The following CDON variants were observed in gnomAD, a reference collection of about 807,000 sequenced individuals.
CDON encodes the protein cell adhesion associated, oncogene regulated.
Under a neutral mutation model 120.9 loss-of-function variants are expected in CDON, and 73 were observed. The ratio of observed to expected loss-of-function variants is 0.60; its 90% CI spans 0.50 to 0.73. CDON has a LOEUF of 0.73. Among genes scored for constraint, CDON ranks in the 30% least tolerant of loss-of-function variants. CDON has a pLI of 0.00. For synonymous variants in CDON, 566 were observed against 573.5 expected (o/e 0.99, Z 0.19); for missense variants, 1,470 against 1,587.3 (o/e 0.93, Z 1.26).
intron 16 of CDON, 46 bp from the exon 17 acceptor site, chr11:125,981,375 CACGCACACATGCACAT>C: frequency 6.4e-7 from 1 of 1,573,192 alleles, no homozygotes; most frequent in East Asian, 2.2e-5. Context: ...CACACACACG[CACGCACACATGCACAT>C]ACGCACACAC....
chr11:125,961,971 G>C lies in CDON; in HGVS notation c.3384C>G (p.Phe1128Leu), dbSNP rs1451344571. The change falls in exon 19 of 20, where the codon TTC becomes TTG. Residue 1128 changes from phenylalanine to leucine, a missense_variant. Coordinates refer to ENST00000531738, the MANE Select transcript of CDON (RefSeq NM_001378964.1). ...NRCFTKTNST[F>L]SSSPPPVVPV... The stretch of plus-strand genomic sequence containing the variant: ...GGACCACAGGAGGAGGGCTGCTGCT[G>C]AAAGTGCTGTTGGTTTTGGTGAAAC... 2 of 1,614,230 alleles carry C rather than the reference G, an allele frequency of 1.2e-6. No individual in the cohort carries two copies. The highest frequency in any genetic ancestry group is 1.7e-6 in the Non-Finnish European group (2 of 1,180,042).
At chr11:126,030,245 G>A (rs1468030212) in intron 1 of CDON, among the ~76,000 whole-genome samples, 1 of 152,192 alleles carries the variant, frequency 6.6e-6, no homozygotes, top group Admixed American at 6.5e-5. Context: ...TTATTGTTCA[G>A]GTTGTGAACT....
chr11:125,966,997 T>A (rs926082689), intron 18 of CDON, among the ~76,000 whole-genome samples: 15 of 151,288 alleles, frequency 9.9e-5, no homozygotes, highest in African/African-American at 3.6e-4. Context: ...GTTCTTCAAG[T>A]TGAAGGAAAA....
rs761571073 is a variant in CDON, at chr11:126,021,416, A to G, written c.181T>C (p.Trp61Arg). 6.2e-7 allele frequency: 1 copy of G among 1,614,150 alleles called. No homozygotes were observed. Among genetic ancestry groups the G allele is most frequent in the Admixed American group, 1.7e-5 (1 of 60,024 alleles). ...TCCAATGTTTTTCCGTTATGCAGCC[A>G]TGAGATACGAGTGGTCACAGGTTGA... ...SAQPVTTRIS[W>R]LHNGKTLDGN... The change falls in exon 3 of 20, where the codon TGG (tryptophan) becomes CGG (arginine). Residue 61 changes from tryptophan to arginine, a missense_variant. Trp to Arg is a moderately radical substitution (Grantham distance 101, BLOSUM62 -3). Transcript: ENST00000531738.
chr11:126,049,526 T>C (rs567648690), intron 1 of CDON, among the ~76,000 whole-genome samples: 3 of 152,340 alleles, frequency 2.0e-5, no homozygotes, highest in South Asian at 4.1e-4. Context: ...CTCAATATGG[T>C]CATCAGAAGT....
chr11:126,029,873 T>C (rs774621061), intron 1 of CDON, among the ~76,000 whole-genome samples: 6 of 152,150 alleles, frequency 3.9e-5, no homozygotes, highest in Non-Finnish European at 7.4e-5. Flanking sequence ...CGGAAAAAGA[T>C]TGTAGAACAT....
chr11:125,967,352 A>G (rs1261407763), intron 18 of CDON, among the ~76,000 whole-genome samples: 3 of 152,230 alleles, frequency 2.0e-5, no homozygotes, highest in Non-Finnish European at 2.9e-5. Context: ...AATGATAAAC[A>G]TTAGAACATC....
Position 126,056,614 on chromosome 11 carries a change from AAAAC to A in CDON, c.-62+5961_-62+5964del, listed in dbSNP as rs555061633. On this transcript the variant is annotated intron_variant, in intron 1 of 19. Transcript: ENST00000531738. ...ACAGCCAAAGTCCCTTCCAAAATTT[AAAAC>A]AAACAAACAAAAACCCTTCTGATTT... Among the ~76,000 whole-genome samples, 117 of 152,356 alleles carry A rather than the reference AAAAC, an allele frequency of 7.7e-4. 1 individual carries two copies. Among genetic ancestry groups the A allele is most frequent in the Middle Eastern group, 3.4e-3 (1 of 294 alleles).
intron 2 of CDON, among the ~76,000 whole-genome samples, chr11:126,021,971 G>A (rs1367258390): frequency 6.6e-6 from 1 of 151,866 alleles, no homozygotes; most frequent in Non-Finnish European, 1.5e-5. Context: ...ATGTGGTGGT[G>A]TACACCTGTA....
At chr11:126,038,906 C>A (rs1356711975) in intron 1 of CDON, among the ~76,000 whole-genome samples, 1 of 152,160 alleles carries the variant, frequency 6.6e-6, no homozygotes, top group Non-Finnish European at 1.5e-5. Flanking sequence ...TTTGCTTGAA[C>A]AGCCTCGGGG....
At chr11:125,964,354 G>T (rs1258448584) in intron 18 of CDON, among the ~76,000 whole-genome samples, 3 of 152,226 alleles carry the variant, frequency 2.0e-5, no homozygotes, top group Non-Finnish European at 4.4e-5. Flanking sequence ...GGCACTGAAA[G>T]AGTGAAGAGT....
intron 1 of CDON, among the ~76,000 whole-genome samples, chr11:126,056,369 G>C (rs1479882975): frequency 6.6e-6 from 1 of 152,208 alleles, no homozygotes; most frequent in African/African-American, 2.4e-5. Flanking sequence ...AGGAAGAAAA[G>C]GGGACAATTT....
At chr11:126,005,083 T>G (rs1591376206) in intron 9 of CDON, among the ~76,000 whole-genome samples, 1 of 152,174 alleles carries the variant, frequency 6.6e-6, no homozygotes, top group Admixed American at 6.5e-5. Context: ...GTGGATCACT[T>G]GAGGTCAGGA....
chr11:126,032,781 T>C (rs1947977323), intron 1 of CDON, among the ~76,000 whole-genome samples: 1 of 152,094 alleles, frequency 6.6e-6, no homozygotes, highest in Non-Finnish European at 1.5e-5. Context: ...CCAAGGTGGG[T>C]GGATCACTTG....
chr11:126,023,507 G>C lies in CDON; in HGVS notation c.-31C>G. Reference sequence around the variant, plus strand: ...CAGATTACAGAAGCAATCAGGACAGGCTTCCAGAGCAAAACCCAGTCCTTG... The same window carrying C: ...CAGATTACAGAAGCAATCAGGACAGCCTTCCAGAGCAAAACCCAGTCCTTG... On this transcript the variant is annotated 5_prime_UTR_variant, in exon 2 of 20. Coordinates refer to ENST00000531738, the MANE Select transcript of CDON (RefSeq NM_001378964.1). The C allele has an allele frequency of 6.7e-7, 1 of 1,483,018 alleles. No individual in the cohort carries two copies. The highest frequency in any genetic ancestry group is 9.4e-7 in the Non-Finnish European group (1 of 1,060,584). 91.9% of individuals were successfully genotyped at this position (1,483,018 alleles called of 1,614,324 possible). A position where few individuals can be genotyped will look rare whatever the true frequency, so the allele number is the denominator to read the frequency against.
intron 1 of CDON, among the ~76,000 whole-genome samples, chr11:126,041,946 G>A (rs1022510253): frequency 6.6e-6 from 1 of 152,100 alleles, no homozygotes; most frequent in Non-Finnish European, 1.5e-5. Flanking sequence ...GTGCAATGGC[G>A]TGATCTCGGC....
chr11:126,001,935 G>T, intron 10 of CDON, 85 bp from the exon 11 acceptor site: 1 of 968,520 alleles, frequency 1.0e-6, no homozygotes, highest in Non-Finnish European at 1.7e-6. Flanking sequence ...AACTTACCTG[G>T]TATGTGGTTA....
intron 18 of CDON, among the ~76,000 whole-genome samples, chr11:125,968,303 C>G (rs1945862988): frequency 6.6e-6 from 1 of 152,078 alleles, no homozygotes; most frequent in South Asian, 2.1e-4. Flanking sequence ...TTCTTTTTTT[C>G]TGCTCTTGTC....
Position 126,018,375 on chromosome 11 carries a change from G to A in CDON, c.595C>T (p.His199Tyr), listed in dbSNP as rs1421351336. The A allele has an allele frequency of 6.2e-7, 1 of 1,613,866 alleles. No individual in the cohort carries two copies. The highest frequency in any genetic ancestry group is 1.1e-5 in the South Asian group (1 of 91,076). The change falls in exon 5 of 20, where the codon CAT (histidine) becomes TAT (tyrosine). Residue 199 changes from histidine to tyrosine, a missense_variant. His to Tyr is a moderately conservative substitution (Grantham distance 83). Transcript: ENST00000531738. ...CCAATAGGTTCAACTTTTAATTGAT[G>A]TGTGACAGGATTATAAGCTGCACAT... The part of the protein sequence containing the change: ...YKCAAYNPVT[H>Y]QLKVEPIGRK...
Sources: allele counts gnomAD v4.1 joint callset (sites outside exome capture counted in the v4.1 genomes callset), GRCh38; gene constraint gnomAD v4.1.1; transcripts MANE v1.5; gene names NCBI Gene and HGNC (gene_info 2026-07-23, HGNC 2026-07-21).